Variants in RICTOR observed in about 807,000 individuals in gnomAD.
RICTOR encodes rapamycin-insensitive companion of mTOR.
RICTOR carries 49 observed loss-of-function variants against 214.9 expected under a neutral mutation model. The ratio of observed to expected loss-of-function variants is 0.23; its 90% CI spans 0.18 to 0.29. RICTOR has a LOEUF of 0.29. RICTOR is among the 10% of genes least tolerant of loss of function. The pLI, the probability that RICTOR is intolerant of heterozygous loss-of-function variation, is 1.00. For missense variants in RICTOR, 1,625 were observed against 2,047.0 expected (o/e 0.79, Z 3.98); for synonymous variants, 717 against 711.3 (o/e 1.01, Z -0.13).
Position 38,953,523 on chromosome 5 carries a change from G to T in RICTOR, c.2728C>A (p.Arg910Ser). Residue 910 changes from arginine (R) to serine (S), a missense_variant, in exon 28 of 38, where the codon CGT becomes AGT. This residue lies in a region of RICTOR where 1,214 missense variants were observed against 1,470.5 expected (regional missense o/e 0.83). Transcript: ENST00000357387. ...NIITELCRNV[R>S]TPDLDKWEEI... is the part of the protein sequence containing the mutation. Reference sequence around the variant, plus strand: ...TCCCACTTATCCAAATCTGGTGTACGAACATTACGACAGAGTTCTGTAATA... The same window carrying T: ...TCCCACTTATCCAAATCTGGTGTACTAACATTACGACAGAGTTCTGTAATA... 1 of 1,465,280 alleles carries T rather than the reference G, an allele frequency of 6.8e-7. No homozygotes were observed. Among genetic ancestry groups the T allele is most frequent in the Non-Finnish European group, 9.1e-7 (1 of 1,094,222 alleles). The allele number at this position is 1,465,280 out of a possible 1,614,324, so 90.8% of individuals were successfully genotyped here. A position where few individuals can be genotyped will look rare whatever the true frequency, so the allele number is the denominator to read the frequency against.
At chr5:38,948,958 T>A (rs1381522023) in intron 31 of RICTOR, among the ~76,000 whole-genome samples, 1 of 152,054 alleles carries the variant, frequency 6.6e-6, no homozygotes, top group Non-Finnish European at 1.5e-5. Context: ...GCTTAATATG[T>A]GCTAAAGTAT....
At chr5:39,050,168 A>G (rs1363504791) in intron 2 of RICTOR, among the ~76,000 whole-genome samples, 1 of 150,696 alleles carries the variant, frequency 6.6e-6, no homozygotes, top group Non-Finnish European at 1.5e-5. Context: ...TTGCTTTTTT[A>G]CATATATAAA....
chr5:38,944,605 A>C (rs762783988), intron 35 of RICTOR, 36 bp from the exon 36 acceptor site: 1 of 1,520,398 alleles, frequency 6.6e-7, no homozygotes, highest in Admixed American at 2.1e-5. Flanking sequence ...AATATTATCT[A>C]TGTCACAATA....
chr5:38,940,130 T>TAAAAAAAAA lies in RICTOR; in HGVS notation c.*2165_*2173dup, dbSNP rs1554057737. ...ACATACATATTTTTCAAAGTAACAG[T>TAAAAAAAAA]AAAAAAAAAAAACAAAAAAAAAAAC... On this transcript the variant is annotated 3_prime_UTR_variant, in exon 38 of 38. Coordinates refer to ENST00000357387, the MANE Select transcript of RICTOR (RefSeq NM_152756.5). The TAAAAAAAAA allele has an allele frequency of 3.7e-5, 3 of 80,552 alleles. No individual in the cohort carries two copies. The highest frequency in any genetic ancestry group is 2.0e-4 in the Admixed American group (1 of 5,036). 5.0% of individuals were successfully genotyped at this position (80,552 alleles called of 1,614,324 possible).
chr5:38,970,325 C>T (rs1206856704), intron 11 of RICTOR: 1 of 152,164 alleles, frequency 6.6e-6, no homozygotes. Context: ...ATCACTTAAT[C>T]TAGTCATTAA....
chr5:39,019,266 G>A (rs1755208335), intron 3 of RICTOR, among the ~76,000 whole-genome samples: 2 of 152,188 alleles, frequency 1.3e-5, no homozygotes, highest in Non-Finnish European at 2.9e-5. Flanking sequence ...GACCAAGGTA[G>A]CTACACTAAA....
chr5:39,008,184 T>C (rs1401756205), intron 3 of RICTOR, among the ~76,000 whole-genome samples: 1 of 150,760 alleles, frequency 6.6e-6, no homozygotes, highest in Non-Finnish European at 1.5e-5. Context: ...AAACACACTT[T>C]AAAAAAAAAG....
At position 38,962,886 on chromosome 5, in the gene RICTOR, A is replaced by C. The variant is rs1378575091; in HGVS notation, c.1556T>G (p.Phe519Cys). 6.2e-7 allele frequency: 1 copy of C among 1,611,768 alleles called. No individual in the cohort carries two copies. Among genetic ancestry groups the C allele is most frequent in the East Asian group, 2.2e-5 (1 of 44,836 alleles). The change falls in exon 17 of 38, where the codon TTT (phenylalanine) becomes TGT (cysteine). Residue 519 changes from phenylalanine (F) to cysteine (C), a missense_variant. Phe to Cys is a radical substitution (Grantham distance 205). Coordinates refer to ENST00000357387, the MANE Select transcript of RICTOR (RefSeq NM_152756.5). ...ATTTCATGTCAGCACCTTAAGGATA[A>C]ATATATCTTTCTGAACTCGGAGATA... Reference protein sequence around the residue: ...DQYLRVQKDIFILKDTEEALL... With the variant: ...DQYLRVQKDICILKDTEEALL...
intron 5 of RICTOR, among the ~76,000 whole-genome samples, chr5:39,000,826 T>TA (rs1329924893): frequency 6.6e-6 from 1 of 152,024 alleles, no homozygotes; most frequent in East Asian, 1.9e-4. Flanking sequence ...CCCAATTTTT[T>TA]TATATATTAG....
intron 2 of RICTOR, among the ~76,000 whole-genome samples, chr5:39,039,800 T>C (rs1264612310): frequency 6.6e-6 from 1 of 152,088 alleles, no homozygotes; most frequent in Non-Finnish European, 1.5e-5. Context: ...TGGCAATCAT[T>C]AAAAAGTCAG....
In RICTOR at chr5:38,975,575, C is replaced by G; in HGVS notation, c.851G>C (p.Ser284Thr). The part of the protein sequence containing the change: ...KEDREARFLA[S>T]KMGIIATFRS... ...GAATGTTGCTATGATTCCCATTTTA[C>G]TGGCTAGAAATCGTGCTTCTCTGTC... Residue 284 changes from serine (S) to threonine (T), a missense_variant, in exon 10 of 38, where the codon AGT becomes ACT. Ser to Thr is a moderately conservative substitution (Grantham distance 58). Transcript: ENST00000357387. 1 of 1,613,814 alleles carries G rather than the reference C, an allele frequency of 6.2e-7. No individual in the cohort carries two copies. The highest frequency in any genetic ancestry group is 8.5e-7 in the Non-Finnish European group (1 of 1,179,814).
rs149559988 is a variant in RICTOR, at chr5:38,951,420, T to C, written c.3128-700A>G. 1.9e-3 allele frequency among the ~76,000 whole-genome samples: 296 copies of C among 152,156 alleles called. 1 individual carries two copies. The highest frequency in any genetic ancestry group is 7.0e-3 in the African/African-American group (290 of 41,550). On this transcript the variant is annotated intron_variant, in intron 30 of 37. Coordinates refer to ENST00000357387, the MANE Select transcript of RICTOR (RefSeq NM_152756.5). ...TTTGCATACTGCATTACCATTTCTA[T>C]ATTTTGTCAATTCTAAGATGCACAC...
intron 34 of RICTOR, 136 bp from the exon 35 acceptor site, chr5:38,945,204 T>C (rs1748057952): frequency 2.9e-6 from 2 of 688,810 alleles, no homozygotes; most frequent in Non-Finnish European, 4.7e-6. Context: ...CTTCCAAAAC[T>C]TTTTTCCTCA....
At position 38,940,993 on chromosome 5, in the gene RICTOR, A is replaced by G. The variant is rs1166035445; in HGVS notation, c.*1311T>C. 4.3e-6 allele frequency: 1 copy of G among 232,758 alleles called. No individual in the cohort carries two copies. The highest frequency in any genetic ancestry group is 5.6e-5 in the Admixed American group (1 of 17,768). The allele number at this position is 232,758 out of a possible 1,614,324, so 14.4% of individuals were successfully genotyped here. Reference sequence around the variant, plus strand: ...AGCTGGATTTTCTATTTCTATTTATATATAGATCTCAAAAAAGATAATCCT... The same window carrying G: ...AGCTGGATTTTCTATTTCTATTTATGTATAGATCTCAAAAAAGATAATCCT... On this transcript the variant is annotated 3_prime_UTR_variant, in exon 38 of 38. Transcript: ENST00000357387.
In RICTOR at chr5:38,950,072, A is replaced by C; in HGVS notation, c.3776T>G (p.Val1259Gly). ...GCTTGTCTTAATAGTTTTAGTACTT[A>C]CCACAGTACTCATGCTTCCACAGTC... is the stretch of plus-strand genomic sequence containing the variant. ...DTDCGSMSTV[V>G]STKTIKTSHY... Residue 1259 changes from valine (V) to glycine (G), a missense_variant, in exon 31 of 38, where the codon GTA (valine) becomes GGA (glycine). Coordinates refer to ENST00000357387, the MANE Select transcript of RICTOR (RefSeq NM_152756.5). 6.2e-7 allele frequency: 1 copy of C among 1,612,680 alleles called. No homozygotes were observed. The highest frequency in any genetic ancestry group is 8.5e-7 in the Non-Finnish European group (1 of 1,179,196).
At chr5:39,064,098 G>A (rs1758740258) in intron 2 of RICTOR, among the ~76,000 whole-genome samples, 1 of 152,082 alleles carries the variant, frequency 6.6e-6, no homozygotes, top group Non-Finnish European at 1.5e-5. Flanking sequence ...CTATTACTTT[G>A]GGTATATGAA....
intron 27 of RICTOR, 89 bp from the exon 28 acceptor site, chr5:38,953,642 G>A (rs894987039): frequency 9.5e-6 from 4 of 422,688 alleles, no homozygotes; most frequent in Non-Finnish European, 1.6e-5. Flanking sequence ...TATAACGTTT[G>A]TTTTTTGTCA....
chr5:39,074,128 G>C lies in RICTOR; in HGVS notation c.80C>G (p.Pro27Arg). Reference protein sequence around the residue: ...GRNDSGEENVPLDLTREPSDN... With the variant: ...GRNDSGEENVRLDLTREPSDN... ...CGCGTTACCTCGGGTCAGATCCAGCGGGACGTTCTCCTCGCCGCTGTCATT... is the reference window on the plus strand; with the variant it reads ...CGCGTTACCTCGGGTCAGATCCAGCCGGACGTTCTCCTCGCCGCTGTCATT... Residue 27 changes from proline (P) to arginine (R), a missense_variant, in exon 2 of 38, where the codon CCG (proline) becomes CGG (arginine). Around this residue, in one of 5 missense-constraint regions of RICTOR, gnomAD observed 71 missense variants for 57.9 expected, o/e 1.23. Transcript: ENST00000357387. 1 of 1,584,284 alleles carries C rather than the reference G, an allele frequency of 6.3e-7. No homozygotes were observed. Among genetic ancestry groups the C allele is most frequent in the Non-Finnish European group, 8.6e-7 (1 of 1,167,508 alleles).
At chr5:39,057,245 G>A (rs1758263257) in intron 2 of RICTOR, among the ~76,000 whole-genome samples, 1 of 152,094 alleles carries the variant, frequency 6.6e-6, no homozygotes, top group Admixed American at 6.5e-5. Flanking sequence ...ATCTTCACAA[G>A]TAGAATTTTA....
Sources: allele counts gnomAD v4.1 joint callset (sites outside exome capture counted in the v4.1 genomes callset), GRCh38; gene constraint gnomAD v4.1.1; regional missense constraint gnomAD v4.1.1; transcripts MANE v1.5; gene names NCBI Gene and HGNC (gene_info 2026-07-23, HGNC 2026-07-21).